The following DOCK5 variants were observed in gnomAD, a reference collection of about 807,000 sequenced individuals.
The protein encoded by DOCK5 is dedicator of cytokinesis protein 5.
A neutral mutation model predicts 251.8 loss-of-function variants in DOCK5; 142 were observed. The observed-to-expected ratio is 0.56, with a 90% CI of 0.49 to 0.65. DOCK5 has a LOEUF of 0.65. DOCK5 is among the 30% of genes least tolerant of loss of function. The pLI, the probability that DOCK5 is intolerant of heterozygous loss-of-function variation, is 0.00. For missense variants in DOCK5, 2,111 were observed against 2,312.3 expected (o/e 0.91, Z 1.79); for synonymous variants, 842 against 835.5 (o/e 1.01, Z -0.13).
At chr8:25,188,166 C>A (rs1338599976) in intron 1 of DOCK5, among the ~76,000 whole-genome samples, 1 of 152,134 alleles carries the variant, frequency 6.6e-6, no homozygotes, top group Non-Finnish European at 1.5e-5. Flanking sequence ...TCTCATTCAC[C>A]CCAATATGAG....
intron 2 of DOCK5, among the ~76,000 whole-genome samples, chr8:25,265,250 G>A (rs1250720295): frequency 1.3e-5 from 2 of 152,022 alleles, no homozygotes; most frequent in Non-Finnish European, 2.9e-5. Context: ...AGGCATCAGT[G>A]TTTGTAAAAG....
At chr8:25,257,725 G>A (rs533493857) in intron 2 of DOCK5, among the ~76,000 whole-genome samples, 3 of 152,244 alleles carry the variant, frequency 2.0e-5, no homozygotes, top group Admixed American at 6.5e-5. Flanking sequence ...AGGTCCCATA[G>A]CCTCTAGCAT....
chr8:25,369,921 G>A (rs570038083), intron 34 of DOCK5, among the ~76,000 whole-genome samples: 75 of 152,296 alleles, frequency 4.9e-4, no homozygotes, highest in Middle Eastern at 3.4e-3. Context: ...TTTGCCCAGT[G>A]TTTGAATTTT....
intron 26 of DOCK5, among the ~76,000 whole-genome samples, chr8:25,350,913 A>G (rs1041850649): frequency 2.0e-5 from 3 of 152,322 alleles, no homozygotes; most frequent in African/African-American, 7.2e-5. Context: ...TGGAGGAGAC[A>G]CAAACATTTA....
rs1800439522 is a variant in DOCK5, at chr8:25,350,114, G to T, written c.2755-1617G>T. 2.0e-5 allele frequency among the ~76,000 whole-genome samples: 3 copies of T among 152,274 alleles called. No individual in the cohort carries two copies. The South Asian group carries it at 6.2e-4, about 32-fold the overall frequency. On this transcript the variant is annotated intron_variant, in intron 26 of 51. Transcript: ENST00000276440. The stretch of plus-strand genomic sequence containing the variant: ...GGGAATCTAATGTATGGCATGGGTG[G>T]CAATAGATGTGTTAATTTGACCGTG...
At chr8:25,401,984 T>G (rs1400481970) in intron 47 of DOCK5, among the ~76,000 whole-genome samples, 1 of 152,212 alleles carries the variant, frequency 6.6e-6, no homozygotes, top group African/African-American at 2.4e-5. Context: ...TCTTTTCTCC[T>G]CCTGAGCAGT....
chr8:25,328,794 AAG>A (rs1316141891), intron 18 of DOCK5, among the ~76,000 whole-genome samples: 1 of 152,182 alleles, frequency 6.6e-6, no homozygotes, highest in Non-Finnish European at 1.5e-5. Context: ...TCCCAGGAAA[AAG>A]AGAGGAATGT....
chr8:25,229,068 C>CA (rs534068390), intron 1 of DOCK5, among the ~76,000 whole-genome samples: 3,346 of 87,530 alleles, frequency 0.038, 112 homozygotes, highest in African/African-American at 0.11. Flanking sequence ...TCATGTCTAC[C>CA]AAAAAAAAAA....
intron 1 of DOCK5, among the ~76,000 whole-genome samples, chr8:25,205,839 A>G (rs1801987565): frequency 6.6e-6 from 1 of 152,244 alleles, no homozygotes; most frequent in African/African-American, 2.4e-5. Flanking sequence ...GTATGCACTT[A>G]GCACTTGGAA....
chr8:25,307,893 T>A (rs1012226537), intron 11 of DOCK5, among the ~76,000 whole-genome samples: 2 of 152,220 alleles, frequency 1.3e-5, no homozygotes, highest in African/African-American at 4.8e-5. Context: ...AACTTTACAG[T>A]GTTTTCCAGT....
At chr8:25,267,590 G>A (rs1483802875) in intron 2 of DOCK5, among the ~76,000 whole-genome samples, 3 of 152,098 alleles carry the variant, frequency 2.0e-5, no homozygotes, top group African/African-American at 7.2e-5. Flanking sequence ...TGTATATATG[G>A]CTACCTTATA....
intron 2 of DOCK5, among the ~76,000 whole-genome samples, chr8:25,246,678 T>G (rs1803120079): frequency 6.8e-6 from 1 of 147,736 alleles, no homozygotes; most frequent in East Asian, 2.0e-4. Context: ...GATTTTGACC[T>G]GGTAATTCTT....
chr8:25,410,002 G>T, intron 50 of DOCK5, 97 bp from the exon 51 acceptor site: 1 of 964,026 alleles, frequency 1.0e-6, no homozygotes, highest in South Asian at 1.6e-5. Flanking sequence ...TCAGTTGGTT[G>T]ACCAGGTTGG....
At chr8:25,366,037 T>C (rs889272101) in intron 30 of DOCK5, among the ~76,000 whole-genome samples, 1 of 152,230 alleles carries the variant, frequency 6.6e-6, no homozygotes, top group Non-Finnish European at 1.5e-5. Flanking sequence ...TTTTCAATAA[T>C]GTTGAATATT....
chr8:25,218,604 C>T (rs1343838298), intron 1 of DOCK5, among the ~76,000 whole-genome samples: 1 of 152,176 alleles, frequency 6.6e-6, no homozygotes, highest in Non-Finnish European at 1.5e-5. Flanking sequence ...GTGTTTATGA[C>T]ACGTTCAGCT....
At chr8:25,269,133 T>C (rs1162042656) in intron 3 of DOCK5, among the ~76,000 whole-genome samples, 1 of 152,236 alleles carries the variant, frequency 6.6e-6, no homozygotes, top group African/African-American at 2.4e-5. Flanking sequence ...TCTTGCTTCC[T>C]GTCCCTCAAG....
rs560692783 is a variant in DOCK5 at position 25,316,112 on chromosome 8, G to T, written c.1319-895G>T. On this transcript the variant is annotated intron_variant, in intron 13 of 51. Coordinates refer to ENST00000276440, the MANE Select transcript of DOCK5 (RefSeq NM_024940.8). Reference sequence around the variant, plus strand: ...TATTAATTAAAATTTTTTTTGCTGGGTAACAAAAAAGAAAAAGAGCAGCAG... The same window carrying T: ...TATTAATTAAAATTTTTTTTGCTGGTTAACAAAAAAGAAAAAGAGCAGCAG... Among the ~76,000 whole-genome samples, 3 of 151,484 alleles carry T rather than the reference G, an allele frequency of 2.0e-5. No homozygotes were observed. In the South Asian group the frequency reaches 6.2e-4, roughly 32 times the overall value.
At chr8:25,396,910 A>G (rs1486513667) in intron 45 of DOCK5, among the ~76,000 whole-genome samples, 1 of 151,982 alleles carries the variant, frequency 6.6e-6, no homozygotes, top group Non-Finnish European at 1.5e-5. Context: ...AGCTCCATAT[A>G]TCTGCAAAGT....
At chr8:25,341,831 T>G in intron 24 of DOCK5, 22 bp downstream of exon 24, 2 of 1,551,974 alleles carry the variant, frequency 1.3e-6, no homozygotes, top group Middle Eastern at 3.3e-4. Context: ...AACAAAATTT[T>G]GTTCCTTAAC....
Sources: gnomAD v4.1 joint callset for allele counts (sites outside exome capture counted in the v4.1 genomes callset) on GRCh38, gnomAD v4.1.1 for gene constraint, MANE v1.5 for transcripts, NCBI Gene and HGNC (gene_info 2026-07-23, HGNC 2026-07-21) for gene names.